BMPR1B: variants seen among roughly 807,000 people sequenced by gnomAD.
BMPR1B encodes the protein bone morphogenetic protein receptor type 1B, also known as bone morphogenetic protein receptor type-1B.
In BMPR1B, 12 loss-of-function variants were observed where a neutral mutation model predicts 59.1. The observed-to-expected ratio is 0.20, with a 90% CI of 0.13 to 0.33. BMPR1B has a LOEUF of 0.33. BMPR1B is among the 10% of genes least tolerant of loss of function. The pLI is 1.00. For synonymous variants in BMPR1B, 237 were observed against 207.3 expected (o/e 1.14, Z -1.23); for missense variants, 550 against 610.9 (o/e 0.90, Z 1.05).
intron 2 of BMPR1B, among the ~76,000 whole-genome samples, chr4:94,968,840 A>G (rs1730662217): frequency 6.6e-6 from 1 of 152,112 alleles, no homozygotes; most frequent in Non-Finnish European, 1.5e-5. Flanking sequence ...TAGGAAAAAG[A>G]TAGGGATTTG....
intron 3 of BMPR1B, among the ~76,000 whole-genome samples, chr4:95,069,826 G>A (rs569986726): frequency 9.7e-4 from 148 of 152,272 alleles, no homozygotes; most frequent in African/African-American, 3.2e-3. Flanking sequence ...TTGGCCAGGC[G>A]TGATGGCTCA....
intron 2 of BMPR1B, among the ~76,000 whole-genome samples, chr4:94,985,037 C>T (rs1002862180): frequency 3.9e-5 from 6 of 152,258 alleles, no homozygotes; most frequent in Admixed American, 3.9e-4. Flanking sequence ...ACACGTGGCA[C>T]TTCCTGTGAA....
chr4:94,978,605 T>G (rs1328065753), intron 2 of BMPR1B, among the ~76,000 whole-genome samples: 1 of 152,160 alleles, frequency 6.6e-6, no homozygotes, highest in Non-Finnish European at 1.5e-5. Context: ...CATTTATTGG[T>G]GGTACGAGCA....
intron 2 of BMPR1B, among the ~76,000 whole-genome samples, chr4:94,944,390 G>A (rs1271361925): frequency 3.3e-5 from 5 of 152,166 alleles, no homozygotes; most frequent in Non-Finnish European, 7.4e-5. Flanking sequence ...GATCCGGGAT[G>A]AAACTACTTA....
chr4:94,892,054 A>G (rs990894395), intron 2 of BMPR1B, among the ~76,000 whole-genome samples: 7 of 152,108 alleles, frequency 4.6e-5, no homozygotes, highest in Admixed American at 1.3e-4. Context: ...TTTTCAAAAA[A>G]ACTCATGTCT....
intron 3 of BMPR1B, among the ~76,000 whole-genome samples, chr4:95,054,001 C>T (rs1226141424): frequency 6.6e-6 from 1 of 152,120 alleles, no homozygotes; most frequent in Admixed American, 6.6e-5. Flanking sequence ...ATACGAAACA[C>T]TGATAAATGA....
chr4:94,777,998 C>T (rs1722442442), intron 1 of BMPR1B, among the ~76,000 whole-genome samples: 1 of 151,658 alleles, frequency 6.6e-6, no homozygotes. Context: ...TGCACTCCAG[C>T]CTGGGCGACA....
At chr4:94,955,285 G>A (rs1730099546) in intron 2 of BMPR1B, among the ~76,000 whole-genome samples, 1 of 152,156 alleles carries the variant, frequency 6.6e-6, no homozygotes, top group African/African-American at 2.4e-5. Context: ...TGTGTTTCAT[G>A]ATCTCCTTTT....
At chr4:94,936,465 G>C (rs1311330683) in intron 2 of BMPR1B, among the ~76,000 whole-genome samples, 1 of 152,106 alleles carries the variant, frequency 6.6e-6, no homozygotes, top group African/African-American at 2.4e-5. Context: ...TATGTTTGCA[G>C]CTTCTTTGCT....
chr4:94,820,438 A>G (rs571122163), intron 1 of BMPR1B, among the ~76,000 whole-genome samples: 4 of 152,354 alleles, frequency 2.6e-5, no homozygotes, highest in Admixed American at 1.3e-4. Flanking sequence ...GTGGGACTGT[A>G]AACTCTGGGA....
chr4:94,902,046 G>GGTT (rs1249020259), intron 2 of BMPR1B, among the ~76,000 whole-genome samples: 1 of 119,184 alleles, frequency 8.4e-6, no homozygotes. Context: ...CAGACTGCAT[G>GGTT]GTGTGTGTGT....
chr4:95,100,181 T>C (rs544290935), intron 3 of BMPR1B, among the ~76,000 whole-genome samples: 5 of 152,260 alleles, frequency 3.3e-5, no homozygotes, highest in Middle Eastern at 3.4e-3. Flanking sequence ...CAGGTACCTA[T>C]TCCATCTTTT....
At chr4:95,143,361 C>T (rs1469585538) in intron 10 of BMPR1B, among the ~76,000 whole-genome samples, 5 of 152,236 alleles carry the variant, frequency 3.3e-5, no homozygotes, top group Non-Finnish European at 7.3e-5. Flanking sequence ...GAGTGGCTCC[C>T]ATCACCCCCT....
chr4:94,985,532 TG>T (rs1267845969), intron 2 of BMPR1B, among the ~76,000 whole-genome samples: 9 of 147,846 alleles, frequency 6.1e-5, no homozygotes, highest in Non-Finnish European at 6.0e-5. Context: ...TGTGTGTGTG[TG>T]TGTGTGTGTG....
intron 12 of BMPR1B, among the ~76,000 whole-genome samples, chr4:95,154,145 T>C (rs1009888529): frequency 6.6e-6 from 1 of 152,234 alleles, no homozygotes; most frequent in African/African-American, 2.4e-5. Flanking sequence ...GTGATGCTAT[T>C]ACTGCAGCAG....
chr4:95,043,768 A>G (rs1725843368), intron 3 of BMPR1B, among the ~76,000 whole-genome samples: 1 of 152,170 alleles, frequency 6.6e-6, no homozygotes, highest in South Asian at 2.1e-4. Flanking sequence ...TTCGAAAGCT[A>G]CCTCAAATTC....
intron 1 of BMPR1B, among the ~76,000 whole-genome samples, chr4:94,819,363 G>A (rs967791228): frequency 6.6e-6 from 1 of 152,120 alleles, no homozygotes; most frequent in Non-Finnish European, 1.5e-5. Flanking sequence ...ACCAATATAA[G>A]CAGCTCATGA....
Position 94,897,941 on chromosome 4 carries a change from CTTTTTTT to C in BMPR1B, c.-113+22059_-113+22065del, listed in dbSNP as rs869186341. ...TGATAATTACTGACAAATTCTTTTCCTTTTTTTTTTTTTTTTTTTTTTTTGAGACTGG... is the reference window on the plus strand; with the variant it reads ...TGATAATTACTGACAAATTCTTTTCCTTTTTTTTTTTTTTTTTGAGACTGG... On this transcript the variant is annotated intron_variant, in intron 2 of 12. Coordinates refer to ENST00000515059, the MANE Select transcript of BMPR1B (RefSeq NM_001203.3). Among the ~76,000 whole-genome samples the C allele has an allele frequency of 3.1e-3, 280 of 90,356 alleles. 1 individual carries two copies. The highest frequency in any genetic ancestry group is 4.5e-3 in the Non-Finnish European group (211 of 46,414). The allele number at this position is 90,356 out of a possible 152,430, so 59.3% of individuals were successfully genotyped here.
At chr4:95,130,856 A>C (rs776395342) in intron 9 of BMPR1B, among the ~76,000 whole-genome samples, 59 of 149,754 alleles carry the variant, frequency 3.9e-4, no homozygotes, top group Non-Finnish European at 3.0e-4. Flanking sequence ...TAGCTTCCCG[A>C]GTAGTTGGGA....
Sources: gnomAD v4.1 joint callset for allele counts (sites outside exome capture counted in the v4.1 genomes callset) on GRCh38, gnomAD v4.1.1 for gene constraint, MANE v1.5 for transcripts, NCBI Gene and HGNC (gene_info 2026-07-23, HGNC 2026-07-21) for gene names.